Variants in FBRSL1 observed in about 807,000 individuals in gnomAD.
The protein encoded by FBRSL1 is fibrosin-1-like protein.
FBRSL1 carries 51 observed loss-of-function variants against 89.6 expected under a neutral mutation model. The ratio of observed to expected loss-of-function variants is 0.57; its 90% CI spans 0.45 to 0.72. FBRSL1 has a LOEUF of 0.72. FBRSL1 is among the 30% of genes least tolerant of loss of function. The pLI is 0.00. For missense variants in FBRSL1, 1,618 were observed against 1,451.8 expected (o/e 1.11, Z -1.86); for synonymous variants, 779 against 681.1 (o/e 1.14, Z -2.24).
At chr12:132,565,601 CTG>C (rs1566214743) in intron 5 of FBRSL1, 1 of 151,620 alleles carries the variant, frequency 6.6e-6, no homozygotes, top group African/African-American at 2.4e-5. Flanking sequence ...GTGTATGTGC[CTG>C]TGTGTACGTA....
At position 132,582,324 on chromosome 12, in the gene FBRSL1, C is replaced by G. The variant is rs575274156; in HGVS notation, c.2201+58C>G. The G allele has an allele frequency of 5.2e-4, 747 of 1,444,880 alleles. 5 individuals are homozygous for G. The African/African-American group carries it at 7.9e-3, about 15-fold the overall frequency. 89.5% of individuals were successfully genotyped at this position (1,444,880 alleles called of 1,614,324 possible). A position where few individuals can be genotyped will look rare whatever the true frequency, so the allele number is the denominator to read the frequency against. ...CACACCCCTACCCCGTTCTTTCCCC[C>G]CTCCCGTCATCCCCGGTTCCCCCTC... On this transcript the variant is annotated intron_variant, in intron 18 of 18. Transcript: ENST00000680143.
chr12:132,557,351 C>A (rs1447425660), intron 5 of FBRSL1, among the ~76,000 whole-genome samples: 1 of 152,202 alleles, frequency 6.6e-6, no homozygotes, highest in Non-Finnish European at 1.5e-5. Flanking sequence ...TAATCTATTC[C>A]CACTCCGCTT....
intron 5 of FBRSL1, among the ~76,000 whole-genome samples, chr12:132,562,290 T>C (rs1189666046): frequency 1.3e-5 from 2 of 151,996 alleles, no homozygotes; most frequent in African/African-American, 2.4e-5. Context: ...TTCCTGTCCT[T>C]CTTTCTTTGT....
chr12:132,573,195 A>G (rs1050239598), intron 11 of FBRSL1, among the ~76,000 whole-genome samples: 4 of 152,168 alleles, frequency 2.6e-5, no homozygotes, highest in African/African-American at 9.7e-5. Flanking sequence ...TCAGTCCTGA[A>G]GCCGCCTCAC....
intron 4 of FBRSL1, among the ~76,000 whole-genome samples, chr12:132,545,119 G>A (rs924301692): frequency 6.6e-6 from 1 of 152,184 alleles, no homozygotes; most frequent in Non-Finnish European, 1.5e-5. Context: ...GGGCAGTGCG[G>A]CACAGAGCGG....
At position 132,570,614 on chromosome 12, in the gene FBRSL1, G is replaced by A. The variant is rs1014162690; in HGVS notation, c.1213+74G>A. 7.6e-5 allele frequency: 95 copies of A among 1,256,624 alleles called. No homozygotes were observed. In the East Asian group the frequency reaches 2.3e-3, roughly 30 times the overall value. The allele number at this position is 1,256,624 out of a possible 1,614,324, so 77.8% of individuals were successfully genotyped here. ...GGGGACACGGCCACCGGGGAGGGGC[G>A]CACAGCCTGGCCCTCCACCTGCTGT... On this transcript the variant is annotated intron_variant, in intron 8 of 18. Transcript: ENST00000680143.
rs560982209 is a variant in FBRSL1 at position 132,582,400 on chromosome 12, CT to C, written c.2201+135del. The C allele has an allele frequency of 7.4e-4, 465 of 631,428 alleles. 3 individuals are homozygous for C. The highest frequency in any genetic ancestry group is 6.9e-3 in the African/African-American group (381 of 54,914). The allele number at this position is 631,428 out of a possible 1,614,324, so 39.1% of individuals were successfully genotyped here. A position where few individuals can be genotyped will look rare whatever the true frequency, so the allele number is the denominator to read the frequency against. On this transcript the variant is annotated intron_variant, in intron 18 of 18. Transcript: ENST00000680143. ...CTCTCCCTCACCGTTCCCCCTCCCCCTGTTCCCCTTCCCCGTTCCCCCTCCC... is the reference window on the plus strand; with the variant it reads ...CTCTCCCTCACCGTTCCCCCTCCCCCGTTCCCCTTCCCCGTTCCCCCTCCC...
intron 15 of FBRSL1, among the ~76,000 whole-genome samples, chr12:132,578,195 C>T (rs926086775): frequency 2.6e-5 from 4 of 152,138 alleles, no homozygotes; most frequent in African/African-American, 9.7e-5. Context: ...TGAGGCAGAC[C>T]ATGACCAGGC....
chr12:132,544,873 A>T (rs572550461), intron 4 of FBRSL1, among the ~76,000 whole-genome samples: 1 of 152,188 alleles, frequency 6.6e-6, no homozygotes, highest in East Asian at 1.9e-4. Flanking sequence ...GGTGATGAGG[A>T]TGGTGATGGT....
At chr12:132,514,406 A>T (rs2034643917) in intron 2 of FBRSL1, among the ~76,000 whole-genome samples, 1 of 152,200 alleles carries the variant, frequency 6.6e-6, no homozygotes, top group African/African-American at 2.4e-5. Context: ...GTGGCCCAGG[A>T]CCGCAGTACC....
At chr12:132,516,312 G>A (rs2034838159) in intron 2 of FBRSL1, among the ~76,000 whole-genome samples, 2 of 152,126 alleles carry the variant, frequency 1.3e-5, no homozygotes, top group South Asian at 4.1e-4. Context: ...AGCTTCCTGA[G>A]TAGCTGGGAT....
chr12:132,582,178 C>T lies in FBRSL1; in HGVS notation c.2113C>T (p.Pro705Ser). The T allele has an allele frequency of 1.3e-6, 2 of 1,550,162 alleles. No individual in the cohort carries two copies. Among genetic ancestry groups the T allele is most frequent in the Non-Finnish European group, 1.7e-6 (2 of 1,146,858 alleles). ...ACCGCCCTCCTTCCCGGCTCCGCCCCCGTGGCCCAAGTCCGTGGACGCGGA... is the reference window on the plus strand; with the variant it reads ...ACCGCCCTCCTTCCCGGCTCCGCCCTCGTGGCCCAAGTCCGTGGACGCGGA... ...RAPPSFPAPP[P>S]WPKSVDAERV... is the part of the protein sequence containing the mutation. The change falls in exon 18 of 19, where the codon CCG (proline) becomes TCG (serine). Residue 705 changes from proline to serine, a missense_variant. By Grantham distance (74) the Pro-to-Ser change is moderately conservative (BLOSUM62 -1). Transcript: ENST00000680143.
intron 5 of FBRSL1, among the ~76,000 whole-genome samples, chr12:132,549,641 C>T (rs897604868): frequency 1.3e-5 from 2 of 152,220 alleles, no homozygotes; most frequent in Non-Finnish European, 1.5e-5. Context: ...CTCTCCCCTC[C>T]CCGCCTGCCT....
At chr12:132,572,184 C>G in intron 9 of FBRSL1, 104 bp from the exon 10 acceptor site, 1 of 1,066,136 alleles carries the variant, frequency 9.4e-7, no homozygotes, top group Non-Finnish European at 1.4e-6. Context: ...TCAGGAAGCA[C>G]AACGCCGTCC....
At chr12:132,533,226 G>A (rs1384335828) in intron 4 of FBRSL1, among the ~76,000 whole-genome samples, 2 of 147,522 alleles carry the variant, frequency 1.4e-5, no homozygotes, top group Non-Finnish European at 3.0e-5. Context: ...TCCCGACCCA[G>A]CCACAGTCTC....
intron 18 of FBRSL1, 88 bp downstream of exon 18, chr12:132,582,354 G>A (rs1218837854): frequency 3.9e-6 from 4 of 1,029,424 alleles, no homozygotes; most frequent in Middle Eastern, 2.4e-4. Flanking sequence ...CCCCTCCCCC[G>A]TTCCCTCTTC....
At chr12:132,513,865 A>C (rs948221598) in intron 2 of FBRSL1, among the ~76,000 whole-genome samples, 6 of 152,140 alleles carry the variant, frequency 3.9e-5, no homozygotes, top group Non-Finnish European at 5.9e-5. Flanking sequence ...ATCGCTGAGC[A>C]GCCCCCAGGG....
chr12:132,562,345 G>A (rs1419845837), intron 5 of FBRSL1, among the ~76,000 whole-genome samples: 1 of 152,162 alleles, frequency 6.6e-6, no homozygotes, highest in Admixed American at 6.5e-5. Flanking sequence ...GCTGGGGGAG[G>A]GAGAGGGTCA....
chr12:132,490,552 A>C lies in FBRSL1; in HGVS notation c.-19A>C, dbSNP rs2030662000. On this transcript the variant is annotated 5_prime_UTR_variant, in exon 1 of 19. Coordinates refer to ENST00000680143, the MANE Select transcript of FBRSL1 (RefSeq NM_001367871.1). ...GCGGGGCGTCAAGGTCACCGGCCCGACGGGGCGCACGCGCGGCCATGGAGG... is the reference window on the plus strand; with the variant it reads ...GCGGGGCGTCAAGGTCACCGGCCCGCCGGGGCGCACGCGCGGCCATGGAGG... 1.0e-6 allele frequency: 1 copy of C among 980,324 alleles called. No individual in the cohort carries two copies. The highest frequency in any genetic ancestry group is 6.4e-5 in the Admixed American group (1 of 15,722). 60.7% of individuals were successfully genotyped at this position (980,324 alleles called of 1,614,324 possible).
Sources: allele counts gnomAD v4.1 joint callset (sites outside exome capture counted in the v4.1 genomes callset), GRCh38; gene constraint gnomAD v4.1.1; transcripts MANE v1.5; gene names NCBI Gene and HGNC (gene_info 2026-07-23, HGNC 2026-07-21).